The following ABCB1 variants were observed in gnomAD, a reference collection of about 807,000 sequenced individuals.
ABCB1 encodes ATP-dependent translocase ABCB1.
In ABCB1, 69 loss-of-function variants were observed where a neutral mutation model predicts 142.0. The ratio of observed to expected loss-of-function variants is 0.49; its 90% confidence interval spans 0.40 to 0.59. ABCB1 has a LOEUF of 0.59. Among genes scored for constraint, ABCB1 ranks in the 20% least tolerant of loss-of-function variants. The probability of loss-of-function intolerance (pLI) is 0.00; values close to 1 mark genes in which losing one functional copy is unlikely to be tolerated. For missense variants in ABCB1, 1,326 were observed against 1,554.7 expected, an observed-to-expected ratio of 0.85 and a Z score of 2.47; for synonymous variants, 532 against 539.2, an observed-to-expected ratio of 0.99 and a Z score of 0.18.
chr7:87,544,862 T>C lies in ABCB1; in HGVS notation c.2025A>G (p.Ser675=). The C allele has an allele frequency of 6.2e-7, 1 of 1,614,142 alleles. No homozygotes were observed. Among genetic ancestry groups the C allele is most frequent in the Non-Finnish European group, 8.5e-7 (1 of 1,180,010 alleles). The change falls in exon 16 of 28, where the codon TCA becomes TCG. Residue 675 remains serine, a synonymous_variant. Transcript: ENST00000622132. The part of the protein sequence containing the change: ...KRSTRRSVRG[S]QAQDRKLSTK... ...TACTAAGCTTTCTGTCTTGGGCTTGTGATCCACGGACACTCCTACGAGTTG... is the reference window on the plus strand; with the variant it reads ...TACTAAGCTTTCTGTCTTGGGCTTGCGATCCACGGACACTCCTACGAGTTG...
chr7:87,664,123 A>G (rs910677755), intron 1 of ABCB1, among the ~76,000 whole-genome samples: 14 of 152,082 alleles, frequency 9.2e-5, no homozygotes, highest in Non-Finnish European at 2.1e-4. Context: ...GTGCACTTTG[A>G]GGAAAGACTC....
intron 3 of ABCB1, among the ~76,000 whole-genome samples, chr7:87,587,947 CT>C (rs35513721): frequency 0.42 from 63,088 of 149,656 alleles, 15,481 homozygotes; most frequent in East Asian, 0.68. Context: ...GCACAATGTG[CT>C]TAAAAAAGAC....
upstream of ABCB1, among the ~76,000 whole-genome samples, chr7:87,605,515 A>G (rs138590356): frequency 0.016 from 2,370 of 152,320 alleles, 39 homozygotes; most frequent in South Asian, 0.021. Flanking sequence ...ATTAAAATAA[A>G]TCTACCATAA....
chr7:87,600,662 AG>A (rs1025640637), intron 1 of ABCB1, 92 bp downstream of exon 1: 11 of 171,416 alleles, frequency 6.4e-5, no homozygotes, highest in African/African-American at 2.1e-4. Context: ...CGCCTCAAGA[AG>A]CCCTTCTCCC....
At chr7:87,606,947 A>G (rs966590237) in intron 1 of ABCB1, among the ~76,000 whole-genome samples, 1 of 152,190 alleles carries the variant, frequency 6.6e-6, no homozygotes, top group Non-Finnish European at 1.5e-5. Flanking sequence ...AATGAAGGCC[A>G]AAATTAACTG....
At chr7:87,668,705 C>A (rs1426687777) in intron 1 of ABCB1, among the ~76,000 whole-genome samples, 1 of 152,042 alleles carries the variant, frequency 6.6e-6, no homozygotes, top group African/African-American at 2.4e-5. Context: ...CAAAGAACTT[C>A]TTGATTTCTG....
chr7:87,702,871 T>C (rs927644590), intron 1 of ABCB1, among the ~76,000 whole-genome samples: 1 of 152,128 alleles, frequency 6.6e-6, no homozygotes, highest in Admixed American at 6.5e-5. Context: ...AAATCTGAAA[T>C]ACTCTTGTCC....
intron 1 of ABCB1, among the ~76,000 whole-genome samples, chr7:87,669,745 A>G (rs776284956): frequency 6.6e-6 from 1 of 152,194 alleles, no homozygotes; most frequent in Non-Finnish European, 1.5e-5. Flanking sequence ...CTTTGGCTGT[A>G]TATGAAATTC....
At chr7:87,610,597 A>G (rs1335461615) in intron 1 of ABCB1, among the ~76,000 whole-genome samples, 1 of 152,024 alleles carries the variant, frequency 6.6e-6, no homozygotes, top group Non-Finnish European at 1.5e-5. Context: ...CAAAGTAGTC[A>G]TGCAGGCTGG....
intron 19 of ABCB1, chr7:87,536,971 G>A (rs1426808478): frequency 4.5e-6 from 1 of 222,462 alleles, no homozygotes; most frequent in Non-Finnish European, 9.0e-6. Flanking sequence ...CTGAATGAAG[G>A]AAAGGATGAG....
chr7:87,623,634 TCTC>T (rs1820305719), intron 1 of ABCB1, among the ~76,000 whole-genome samples: 1 of 152,132 alleles, frequency 6.6e-6, no homozygotes, highest in South Asian at 2.1e-4. Flanking sequence ...TGCTTCCTCT[TCTC>T]AACGGAAACC....
At chr7:87,652,646 A>ATATATATATATATATATATATG (rs1563105075) in intron 1 of ABCB1, among the ~76,000 whole-genome samples, 5 of 147,220 alleles carry the variant, frequency 3.4e-5, no homozygotes, top group African/African-American at 7.6e-5. Context: ...ATATATATAT[A>ATATATATATATATATATATATG]GTAGGAAGTA....
chr7:87,529,443 G>A (rs1342632799), intron 21 of ABCB1, among the ~76,000 whole-genome samples: 1 of 152,180 alleles, frequency 6.6e-6, no homozygotes, highest in African/African-American at 2.4e-5. Context: ...TCCCTCTCAT[G>A]AGCCACCCCT....
chr7:87,608,425 A>C lies in ABCB1; in HGVS notation c.-330-7347T>G, dbSNP rs186610490. Reference sequence around the variant, plus strand: ...ATCTGGCTATAAAGTAATAAGCCAAATTTTCTCCTGTGCTTAGCAAATTAT... The same window carrying C: ...ATCTGGCTATAAAGTAATAAGCCAACTTTTCTCCTGTGCTTAGCAAATTAT... On this transcript the variant is annotated intron_variant, in intron 1 of 28. Transcript: ENST00000265724. 7.2e-5 allele frequency among the ~76,000 whole-genome samples: 11 copies of C among 152,324 alleles called. No individual in the cohort carries two copies. The East Asian group carries it at 2.1e-3, about 29-fold the overall frequency.
chr7:87,630,029 A>G (rs1282097376), intron 1 of ABCB1, among the ~76,000 whole-genome samples: 1 of 152,186 alleles, frequency 6.6e-6, no homozygotes, highest in Non-Finnish European at 1.5e-5. Flanking sequence ...ATTAAGAAAA[A>G]TTGAAACCCT....
intron 21 of ABCB1, chr7:87,522,330 G>A (rs1815552927): frequency 8.0e-6 from 6 of 746,456 alleles, no homozygotes; most frequent in South Asian, 6.7e-5. Context: ...GCTGGTACAG[G>A]CCAGTACTTT....
At chr7:87,634,017 G>A (rs2130221008) in intron 1 of ABCB1, among the ~76,000 whole-genome samples, 1 of 152,220 alleles carries the variant, frequency 6.6e-6, no homozygotes, top group South Asian at 2.1e-4. Context: ...GGTGGAGAGA[G>A]TCAAAGGGGA....
At chr7:87,627,423 A>G (rs1820732836) in intron 1 of ABCB1, 1 of 152,240 alleles carries the variant, frequency 6.6e-6, no homozygotes, top group Non-Finnish European at 1.5e-5. Context: ...TGTGACTTCA[A>G]ATTAAATTCG....
At chr7:87,567,475 A>T (rs1199299595) in intron 5 of ABCB1, among the ~76,000 whole-genome samples, 1 of 152,142 alleles carries the variant, frequency 6.6e-6, no homozygotes, top group Non-Finnish European at 1.5e-5. Context: ...TACATTGGGG[A>T]TGAAAAGAAG....
Sources: gnomAD v4.1 joint callset for allele counts (sites outside exome capture counted in the v4.1 genomes callset) on GRCh38, gnomAD v4.1.1 for gene constraint, MANE v1.5 for transcripts, NCBI Gene and HGNC (gene_info 2026-07-23, HGNC 2026-07-21) for gene names.